TENM4: variants seen among roughly 807,000 people sequenced by gnomAD.
TENM4 encodes teneurin transmembrane protein 4.
TENM4 carries 82 observed loss-of-function variants against 243.3 expected under a neutral mutation model. That is an observed-to-expected ratio of 0.34 (90% confidence interval 0.28 to 0.40). TENM4 has a LOEUF of 0.40. Ranked by LOEUF, TENM4 falls within the 10% of genes least tolerant of loss-of-function variation. The pLI, the probability that TENM4 is intolerant of heterozygous loss-of-function variation, is 1.00. For missense variants in TENM4, 3,138 were observed against 3,673.3 expected (o/e 0.85, Z 3.77); for synonymous variants, 1,412 against 1,456.3 (o/e 0.97, Z 0.69).
chr11:79,077,301 C>A (rs1163486816), intron 4 of TENM4, among the ~76,000 whole-genome samples: 1 of 152,184 alleles, frequency 6.6e-6, no homozygotes, highest in Non-Finnish European at 1.5e-5. Context: ...CTGCCCCACA[C>A]CCAGGCCAAG....
At chr11:79,209,048 C>G (rs149945968) in intron 3 of TENM4, among the ~76,000 whole-genome samples, 1 of 152,240 alleles carries the variant, frequency 6.6e-6, no homozygotes, top group East Asian at 1.9e-4. Flanking sequence ...CAACAGGAAG[C>G]GAGCCCAATG....
chr11:78,940,860 T>C (rs918749742), intron 6 of TENM4, among the ~76,000 whole-genome samples: 3 of 152,232 alleles, frequency 2.0e-5, no homozygotes, highest in African/African-American at 7.2e-5. Flanking sequence ...TCCCAATCTC[T>C]ACAGCTGCTT....
chr11:78,944,015 C>T (rs138556933), intron 6 of TENM4, among the ~76,000 whole-genome samples: 53 of 152,300 alleles, frequency 3.5e-4, no homozygotes, highest in African/African-American at 1.2e-3. Flanking sequence ...CTTTCACATG[C>T]CTTATCTCAC....
chr11:79,091,647 A>G (rs1334274524), intron 4 of TENM4, among the ~76,000 whole-genome samples: 3 of 152,088 alleles, frequency 2.0e-5, no homozygotes, highest in Non-Finnish European at 4.4e-5. Context: ...TCTCCCCAAG[A>G]CCTACTCAAT....
intron 4 of TENM4, among the ~76,000 whole-genome samples, chr11:79,084,087 T>C (rs892875005): frequency 6.6e-6 from 1 of 152,182 alleles, no homozygotes; most frequent in South Asian, 2.1e-4. Flanking sequence ...AAAAAGGATA[T>C]ATACACATGG....
At chr11:78,871,201 C>T (rs962169763) in intron 9 of TENM4, among the ~76,000 whole-genome samples, 1 of 152,196 alleles carries the variant, frequency 6.6e-6, no homozygotes, top group Non-Finnish European at 1.5e-5. Context: ...GACAACTTTA[C>T]TCTTTTGAGC....
intron 1 of TENM4, among the ~76,000 whole-genome samples, chr11:79,374,199 C>T (rs1412492110): frequency 6.6e-6 from 1 of 152,094 alleles, no homozygotes. Context: ...CATGCTATGA[C>T]CACAATGACC....
intron 9 of TENM4, among the ~76,000 whole-genome samples, chr11:78,887,454 C>A (rs374302697): frequency 6.6e-6 from 1 of 152,208 alleles, no homozygotes; most frequent in East Asian, 1.9e-4. Flanking sequence ...TTTTAAGCTA[C>A]GAATACCTCA....
intron 9 of TENM4, among the ~76,000 whole-genome samples, chr11:78,889,133 A>G (rs1481313418): frequency 6.6e-6 from 1 of 152,216 alleles, no homozygotes; most frequent in African/African-American, 2.4e-5. Context: ...GTTTGCACCC[A>G]GGGTCAGGTG....
intron 6 of TENM4, among the ~76,000 whole-genome samples, chr11:79,017,883 T>C (rs2136785506): frequency 6.6e-6 from 1 of 152,312 alleles, no homozygotes; most frequent in South Asian, 2.1e-4. Context: ...TGTCACTGTC[T>C]TGAAATTCTT....
intron 19 of TENM4, among the ~76,000 whole-genome samples, chr11:78,755,193 C>T (rs1451859572): frequency 6.6e-6 from 1 of 152,032 alleles, no homozygotes; most frequent in Middle Eastern, 3.2e-3. Context: ...GAGATGGGGT[C>T]TTGCTCTGTC....
intron 2 of TENM4, among the ~76,000 whole-genome samples, chr11:79,228,479 C>T (rs1388576815): frequency 3.3e-5 from 5 of 152,210 alleles, no homozygotes; most frequent in African/African-American, 7.2e-5. Flanking sequence ...AAACCAATGC[C>T]GAGACTCCAG....
chr11:79,324,187 G>A (rs1489181894), intron 1 of TENM4, among the ~76,000 whole-genome samples: 3 of 151,522 alleles, frequency 2.0e-5, no homozygotes, highest in Non-Finnish European at 4.4e-5. Flanking sequence ...TTTTATTGTT[G>A]TGTTATTTCT....
intron 6 of TENM4, among the ~76,000 whole-genome samples, chr11:78,992,008 A>C (rs1466850829): frequency 1.3e-5 from 2 of 152,208 alleles, no homozygotes; most frequent in East Asian, 3.8e-4. Context: ...ATTTTCCCTA[A>C]ATTTGAAAAA....
chr11:78,863,747 T>C (rs949037859), intron 9 of TENM4, among the ~76,000 whole-genome samples: 30 of 152,360 alleles, frequency 2.0e-4, no homozygotes, highest in African/African-American at 7.2e-4. Context: ...GAATATAATG[T>C]ACAAAATCTA....
intron 6 of TENM4, among the ~76,000 whole-genome samples, chr11:79,022,663 T>C (rs1206249971): frequency 6.6e-6 from 1 of 152,222 alleles, no homozygotes; most frequent in African/African-American, 2.4e-5. Flanking sequence ...TTTTTGGTTT[T>C]CAGAAACTGA....
At chr11:78,872,403 T>A (rs1008191262) in intron 9 of TENM4, among the ~76,000 whole-genome samples, 3 of 152,218 alleles carry the variant, frequency 2.0e-5, no homozygotes, top group Non-Finnish European at 4.4e-5. Context: ...CTCCTGCCTG[T>A]TCAAACTGCT....
chr11:79,143,048 A>G, intron 4 of TENM4, among the ~76,000 whole-genome samples: 1 of 152,154 alleles, frequency 6.6e-6, no homozygotes. Flanking sequence ...GAGGATGTGG[A>G]GAAATAGGAA....
At chr11:78,699,679 A>G (rs987359877) in intron 28 of TENM4, among the ~76,000 whole-genome samples, 2 of 152,242 alleles carry the variant, frequency 1.3e-5, no homozygotes, top group Non-Finnish European at 2.9e-5. Context: ...CTTCTTCACT[A>G]AACATCAACT....
Sources: gnomAD v4.1 joint callset for allele counts (sites outside exome capture counted in the v4.1 genomes callset) on GRCh38, gnomAD v4.1.1 for gene constraint, MANE v1.5 for transcripts, NCBI Gene and HGNC (gene_info 2026-07-23, HGNC 2026-07-21) for gene names.